The following SV2B variants were observed in gnomAD, a reference collection of about 807,000 sequenced individuals.
SV2B encodes the protein solute carrier family 22 member B2.
A neutral mutation model predicts 73.9 loss-of-function variants in SV2B; 41 were observed. The observed-to-expected ratio is 0.56, with a 90% CI of 0.43 to 0.72. The LOEUF is 0.72. Ranked by LOEUF, SV2B falls within the 30% of genes least tolerant of loss-of-function variation. SV2B has a pLI of 0.00. For synonymous variants in SV2B, 314 were observed against 314.2 expected (o/e 1.00, Z 0.01); for missense variants, 764 against 857.8 (o/e 0.89, Z 1.37).
rs140627578 is a variant in SV2B, at chr15:91,180,767, T to C, written c.-391-45106T>C. Among the ~76,000 whole-genome samples, 387 of 152,334 alleles carry C rather than the reference T, an allele frequency of 2.5e-3. 3 individuals are homozygous for C. Among genetic ancestry groups the C allele is most frequent in the Admixed American group, 0.02 (300 of 15,300 alleles). On this transcript the variant is annotated intron_variant, in intron 1 of 12. Transcript: ENST00000394232. Reference sequence around the variant, plus strand: ...ATCAGCTCCTTTAAGCACTTCTCTGTATTGGTGATTCTAGTTATACATTCA... The same window carrying C: ...ATCAGCTCCTTTAAGCACTTCTCTGCATTGGTGATTCTAGTTATACATTCA...
rs138518752 is a variant in SV2B at position 91,112,329 on chromosome 15, G to A, written c.-392+11966G>A. On this transcript the variant is annotated intron_variant, in intron 1 of 12. Transcript: ENST00000394232. ...AAATGCTCCTGCAAGTGGTGAGATC[G>A]CCGCTGTCCTGTGCTTCAGCCACGA... is the stretch of plus-strand genomic sequence containing the variant. Among the ~76,000 whole-genome samples, 357 of 152,258 alleles carry A rather than the reference G, an allele frequency of 2.3e-3. 2 individuals are homozygous for A. Among genetic ancestry groups the A allele is most frequent in the African/African-American group, 8.3e-3 (345 of 41,538 alleles).
Position 91,204,080 on chromosome 15 carries a change from C to G in SV2B, c.-391-21793C>G, listed in dbSNP as rs146569618. Among the ~76,000 whole-genome samples the G allele has an allele frequency of 6.3e-4, 96 of 152,284 alleles. 1 individual carries two copies. The highest frequency in any genetic ancestry group is 2.3e-3 in the African/African-American group (94 of 41,562). On this transcript the variant is annotated intron_variant, in intron 1 of 12. Coordinates refer to ENST00000394232, the MANE Select transcript of SV2B (RefSeq NM_001323032.3). ...AAAGAGAAGTCTCTGTCAGATATTTCTTTCAAACTGCTAGTGGGCTGGGGA... is the reference window on the plus strand; with the variant it reads ...AAAGAGAAGTCTCTGTCAGATATTTGTTTCAAACTGCTAGTGGGCTGGGGA...
At chr15:91,207,357 A>G (rs900997626) in intron 1 of SV2B, among the ~76,000 whole-genome samples, 2 of 152,074 alleles carry the variant, frequency 1.3e-5, no homozygotes, top group African/African-American at 4.8e-5. Context: ...GGATATCTAA[A>G]AAGGTGGGAC....
chr15:91,227,098 A>G lies in SV2B; in HGVS notation c.451+384A>G, dbSNP rs2046409577. Among the ~76,000 whole-genome samples the G allele has an allele frequency of 6.6e-6, 1 of 152,134 alleles. No individual in the cohort carries two copies. On this transcript the variant is annotated intron_variant, in intron 2 of 12. Transcript: ENST00000394232. This position sits in a 1 kb window ranked among gnomAD's most constrained non-coding sequence, Gnocchi z 4.5. The stretch of plus-strand genomic sequence containing the variant: ...TGTCCAAATGACAAATACATTTGGG[A>G]AGAGATCTCTGGCTGGTCTCTTCCA...
chr15:91,238,377 G>C (rs1287951769), intron 2 of SV2B, among the ~76,000 whole-genome samples: 2 of 152,026 alleles, frequency 1.3e-5, no homozygotes, highest in Non-Finnish European at 2.9e-5. Flanking sequence ...GCTCTAAGAG[G>C]GTAAAGTAAC....
chr15:91,289,720 G>C lies in SV2B; in HGVS notation c.1868+40G>C. ...AGGCTTTCCTCAGGGACTTGTTTGG[G>C]CTTCTTTGGCCAGAAGTCTACCTGC... On this transcript the variant is annotated intron_variant, in intron 12 of 12. Transcript: ENST00000394232. The surrounding 1 kb of genome is among the most constrained non-coding windows in gnomAD (Gnocchi z 4.9). The C allele has an allele frequency of 6.3e-7, 1 of 1,594,704 alleles. No homozygotes were observed. The highest frequency in any genetic ancestry group is 8.5e-7 in the Non-Finnish European group (1 of 1,170,050).
At position 91,100,515 on chromosome 15, in the gene SV2B, A is replaced by G. The variant is rs2041692663; in HGVS notation, c.-392+152A>G. On this transcript the variant is annotated intron_variant, in intron 1 of 12. Transcript: ENST00000394232. The surrounding 1 kb of genome is among the most constrained non-coding windows in gnomAD (Gnocchi z 6.4). ...CATAGTAAATGGCACAAAAGATCGG[A>G]GAGTCTTGAAAAACCGGCGCAGAAA... Among the ~76,000 whole-genome samples the G allele has an allele frequency of 6.6e-6, 1 of 152,218 alleles. No individual in the cohort carries two copies. Among genetic ancestry groups the G allele is most frequent in the East Asian group, 1.9e-4 (1 of 5,196 alleles).
chr15:91,289,664 T>C lies in SV2B; in HGVS notation c.1852T>C (p.Tyr618His), dbSNP rs748372902. 1.9e-6 allele frequency: 3 copies of C among 1,613,098 alleles called. No homozygotes were observed. The change falls in exon 12 of 13, where the codon TAT (tyrosine) becomes CAT (histidine). Residue 618 changes from tyrosine (Y) to histidine (H), a missense_variant. Tyr to His is a moderately conservative substitution (Grantham distance 83, BLOSUM62 2). Coordinates refer to ENST00000394232, the MANE Select transcript of SV2B (RefSeq NM_001323032.3). This position sits in a 1 kb window ranked among gnomAD's most constrained non-coding sequence, Gnocchi z 4.9. ...NALDVITVELYPTNQRATAFG... is the reference protein window; with the variant it reads ...NALDVITVELHPTNQRATAFG... ...TCTGGATGTGATCACAGTGGAGCTG[T>C]ATCCCACCAACCAGAGGTCAGTTCT...
In SV2B at chr15:91,139,390, A is replaced by G. The variant is rs2042936724; in HGVS notation, c.-392+39027A>G. ...GGAAACTTCCAAGGAACCTCTCTCT[A>G]ACCCTAAATAACAACAGCCATAATA... On this transcript the variant is annotated intron_variant, in intron 1 of 12. Coordinates refer to ENST00000394232, the MANE Select transcript of SV2B (RefSeq NM_001323032.3). This position sits in a 1 kb window ranked among gnomAD's most constrained non-coding sequence, Gnocchi z 5.2. 6.6e-6 allele frequency among the ~76,000 whole-genome samples: 1 copy of G among 152,170 alleles called. No homozygotes were observed. Among genetic ancestry groups the G allele is most frequent in the Admixed American group, 6.5e-5 (1 of 15,280 alleles).
chr15:91,217,033 G>A lies in SV2B; in HGVS notation c.-391-8840G>A, dbSNP rs143073079. 1.3e-4 allele frequency among the ~76,000 whole-genome samples: 20 copies of A among 151,730 alleles called. No homozygotes were observed. In the East Asian group the frequency reaches 3.3e-3, roughly 25 times the overall value. On this transcript the variant is annotated intron_variant, in intron 1 of 12. Coordinates refer to ENST00000394232, the MANE Select transcript of SV2B (RefSeq NM_001323032.3). ...ATCCTGAATAGCTGGGATTACAGGTGTGTGCCACCACGCTCGGCTAATTAG... is the reference window on the plus strand; with the variant it reads ...ATCCTGAATAGCTGGGATTACAGGTATGTGCCACCACGCTCGGCTAATTAG...
chr15:91,151,868 A>G (rs1210347997), intron 1 of SV2B, among the ~76,000 whole-genome samples: 19 of 152,172 alleles, frequency 1.2e-4, no homozygotes. Flanking sequence ...GAAGTTTCTG[A>G]TAGTCACTGA....
At position 91,268,406 on chromosome 15, in the gene SV2B, G is replaced by A. The variant is rs752741782; in HGVS notation, c.1209-35G>A. 8.3e-5 allele frequency: 132 copies of A among 1,591,896 alleles called. 1 individual carries two copies. The South Asian group carries it at 1.5e-3, about 18-fold the overall frequency. ...CCCTGATCATGAAAGAATGAATCCT[G>A]TTGTTGTTGCAACCTTCTGCCTTCT... is the stretch of plus-strand genomic sequence containing the variant. On this transcript the variant is annotated intron_variant, in intron 8 of 12. Transcript: ENST00000394232. This position sits in a 1 kb window ranked among gnomAD's most constrained non-coding sequence, Gnocchi z 4.4.
At chr15:91,169,373 A>T (rs1173060782) in intron 1 of SV2B, among the ~76,000 whole-genome samples, 1 of 152,152 alleles carries the variant, frequency 6.6e-6, no homozygotes, top group Non-Finnish European at 1.5e-5. Context: ...TCTGCAGTAG[A>T]TGCTCAGTAA....
intron 1 of SV2B, among the ~76,000 whole-genome samples, chr15:91,218,623 G>C (rs998359810): frequency 6.6e-6 from 1 of 151,962 alleles, no homozygotes. Flanking sequence ...ACATTTTCTC[G>C]GGCTTTGTCC....
rs2048674666 is a variant in SV2B, at chr15:91,281,331, C to G, written c.1374-397C>G. 6.6e-6 allele frequency among the ~76,000 whole-genome samples: 1 copy of G among 152,204 alleles called. No homozygotes were observed. The highest frequency in any genetic ancestry group is 2.4e-5 in the African/African-American group (1 of 41,450). On this transcript the variant is annotated intron_variant, in intron 9 of 12. Coordinates refer to ENST00000394232, the MANE Select transcript of SV2B (RefSeq NM_001323032.3). This position sits in a 1 kb window ranked among gnomAD's most constrained non-coding sequence, Gnocchi z 4.7. The stretch of plus-strand genomic sequence containing the variant: ...AAAAATGAAGATTCTCAGACCTTCA[C>G]AATTCTATGGCTTCCAAAACTTCTA...
chr15:91,121,375 T>A lies in SV2B; in HGVS notation c.-392+21012T>A, dbSNP rs928306415. On this transcript the variant is annotated intron_variant, in intron 1 of 12. Transcript: ENST00000394232. This position sits in a 1 kb window ranked among gnomAD's most constrained non-coding sequence, Gnocchi z 4.4. ...GGATGGGAGTATAAATTGAATTTTT[T>A]AAAAATAAGCTGCCCAATGATCCTA... Among the ~76,000 whole-genome samples the A allele has an allele frequency of 2.6e-5, 4 of 152,160 alleles. No homozygotes were observed. The highest frequency in any genetic ancestry group is 7.2e-5 in the African/African-American group (3 of 41,422).
At chr15:91,207,678 G>C (rs1212943104) in intron 1 of SV2B, among the ~76,000 whole-genome samples, 1 of 152,138 alleles carries the variant, frequency 6.6e-6, no homozygotes, top group African/African-American at 2.4e-5. Context: ...CTTATTTAAC[G>C]TAAGTTTTAT....
chr15:91,209,114 G>GTTTT lies in SV2B; in HGVS notation c.-391-16737_-391-16734dup, dbSNP rs903531189. ...AGTGACTGTGGCAGTACTGTTTTTTGTTTTTTTTTTTTTTTTTTTTTTTTT... is the reference window on the plus strand; with the variant it reads ...AGTGACTGTGGCAGTACTGTTTTTTGTTTTTTTTTTTTTTTTTTTTTTTTTTTTT... On this transcript the variant is annotated intron_variant, in intron 1 of 12. Transcript: ENST00000394232. Among the ~76,000 whole-genome samples, 194 of 89,954 alleles carry GTTTT rather than the reference G, an allele frequency of 2.2e-3. 9 individuals are homozygous for GTTTT. Among genetic ancestry groups the GTTTT allele is most frequent in the African/African-American group, 0.011 (172 of 16,028 alleles). The allele number at this position is 89,954 out of a possible 152,430, so 59.0% of individuals were successfully genotyped here.
chr15:91,223,745 A>ATG lies in SV2B; in HGVS notation c.-391-2127_-391-2126dup, dbSNP rs1156842235. ...TTAATCTGACGTGGTTCAGGCCAAC[A>ATG]TGGTCTAATAGAAATTTATTTACTG... is the stretch of plus-strand genomic sequence containing the variant. On this transcript the variant is annotated intron_variant, in intron 1 of 12. Transcript: ENST00000394232. This position sits in a 1 kb window ranked among gnomAD's most constrained non-coding sequence, Gnocchi z 4.6. 1.6e-4 allele frequency among the ~76,000 whole-genome samples: 25 copies of ATG among 152,236 alleles called. No individual in the cohort carries two copies. Among genetic ancestry groups the ATG allele is most frequent in the Non-Finnish European group, 3.5e-4 (24 of 68,034 alleles).
Sources: allele counts gnomAD v4.1 joint callset (sites outside exome capture counted in the v4.1 genomes callset), GRCh38; gene constraint gnomAD v4.1.1; non-coding constraint Gnocchi (gnomAD v3.1); transcripts MANE v1.5; gene names NCBI Gene and HGNC (gene_info 2026-07-23, HGNC 2026-07-21).